STK17B: variants seen among roughly 807,000 people sequenced by gnomAD.
The protein encoded by STK17B is serine/threonine kinase 17b, also known as serine/threonine-protein kinase 17B.
STK17B carries 21 observed loss-of-function variants against 42.0 expected under a neutral mutation model. The ratio of observed to expected loss-of-function variants is 0.50; its 90% CI spans 0.35 to 0.72. STK17B has a LOEUF of 0.72. Ranked by LOEUF, STK17B falls within the 30% of genes least tolerant of loss-of-function variation. The pLI, the probability that STK17B is intolerant of heterozygous loss-of-function variation, is 0.00. For synonymous variants in STK17B, 143 were observed against 148.4 expected (o/e 0.96, Z 0.26); for missense variants, 349 against 446.0 (o/e 0.78, Z 1.96).
chr2:196,157,812 G>A (rs1699759587), intron 2 of STK17B, among the ~76,000 whole-genome samples: 1 of 152,170 alleles, frequency 6.6e-6, no homozygotes, highest in African/African-American at 2.4e-5. Context: ...TAAGTCTACA[G>A]CGGCCAAAAA....
At chr2:196,156,688 T>C (rs910368078) in intron 2 of STK17B, 37 bp from the exon 3 acceptor site, 7 of 1,527,678 alleles carry the variant, frequency 4.6e-6, no homozygotes, top group African/African-American at 1.4e-5. Flanking sequence ...TTAATTTTTC[T>C]GCAGAGAACA....
intron 3 of STK17B, 87 bp from the exon 4 acceptor site, chr2:196,146,142 A>T (rs892187945): frequency 1.5e-6 from 2 of 1,328,872 alleles, no homozygotes; most frequent in East Asian, 5.3e-5. Flanking sequence ...TAAAAGACAT[A>T]CAACTATATA....
intron 5 of STK17B, among the ~76,000 whole-genome samples, chr2:196,142,548 A>G (rs759051160): frequency 6.6e-6 from 1 of 152,344 alleles, no homozygotes; most frequent in Non-Finnish European, 1.5e-5. Context: ...TGAGTGAAAA[A>G]TAAGTTTCTT....
At chr2:196,152,568 C>T (rs1269349805) in intron 3 of STK17B, among the ~76,000 whole-genome samples, 2 of 152,136 alleles carry the variant, frequency 1.3e-5, no homozygotes, top group Admixed American at 6.5e-5. Flanking sequence ...TACAGAAGGT[C>T]GACTAAAGCA....
At chr2:196,152,780 T>C (rs1161414274) in intron 3 of STK17B, among the ~76,000 whole-genome samples, 5 of 152,148 alleles carry the variant, frequency 3.3e-5, no homozygotes, top group African/African-American at 4.8e-5. Flanking sequence ...TTTGCTTATA[T>C]ATGCAAGAAG....
intron 4 of STK17B, among the ~76,000 whole-genome samples, chr2:196,144,922 C>T (rs1234278901): frequency 1.3e-5 from 2 of 151,928 alleles, no homozygotes; most frequent in Non-Finnish European, 2.9e-5. Flanking sequence ...GTAATTAGCT[C>T]TGTTGTTGTC....
chr2:196,141,065 C>G (rs939672321), intron 6 of STK17B, among the ~76,000 whole-genome samples, 184 bp downstream of exon 6: 1 of 152,114 alleles, frequency 6.6e-6, no homozygotes, highest in Admixed American at 6.5e-5. Flanking sequence ...ACTTTTGGCT[C>G]AGAAGTTAAG....
chr2:196,144,297 T>C (rs948982787), intron 4 of STK17B, among the ~76,000 whole-genome samples: 9 of 151,594 alleles, frequency 5.9e-5, no homozygotes, highest in African/African-American at 2.2e-4. Flanking sequence ...AAGACCATCC[T>C]GGCTAACATG....
intron 3 of STK17B, among the ~76,000 whole-genome samples, chr2:196,147,237 C>T (rs1699589176): frequency 6.6e-6 from 1 of 152,104 alleles, no homozygotes; most frequent in Non-Finnish European, 1.5e-5. Context: ...TAGTAACTCA[C>T]TCTGGAAAAT....
intron 3 of STK17B, chr2:196,153,255 C>CAAAAAAAAAGA (rs1699691246): frequency 9.2e-6 from 1 of 108,590 alleles, no homozygotes. Context: ...AAACAATGTC[C>CAAAAAAAAAGA]AAAAAAAAAA....
intron 1 of STK17B, among the ~76,000 whole-genome samples, chr2:196,169,890 GAA>G (rs59209981): frequency 2.1e-5 from 3 of 140,208 alleles, no homozygotes; most frequent in East Asian, 2.0e-4. Context: ...CCCTACTTTA[GAA>G]AAAAAAAAAG....
chr2:196,176,151 A>G, upstream of STK17B: 1 of 152,246 alleles, frequency 6.6e-6, no homozygotes, highest in Non-Finnish European at 1.5e-5. Context: ...ATAAGAGCAC[A>G]CCCTACAATA....
At chr2:196,152,423 A>G (rs931508404) in intron 3 of STK17B, among the ~76,000 whole-genome samples, 21 of 152,192 alleles carry the variant, frequency 1.4e-4, no homozygotes, top group African/African-American at 4.8e-4. Context: ...GTGCCTTTTA[A>G]AAGTGATTGT....
At chr2:196,162,375 T>A (rs1477591450) in intron 2 of STK17B, among the ~76,000 whole-genome samples, 1 of 151,582 alleles carries the variant, frequency 6.6e-6, no homozygotes, top group Non-Finnish European at 1.5e-5. Context: ...TTGTTCAACT[T>A]AGGAGAGGGG....
At chr2:196,170,016 C>A (rs950855510) in intron 1 of STK17B, among the ~76,000 whole-genome samples, 1 of 152,098 alleles carries the variant, frequency 6.6e-6, no homozygotes, top group African/African-American at 2.4e-5. Flanking sequence ...GGATCCGAGG[C>A]AGATGAGTTT....
chr2:196,140,748 A>G (rs1461159273), intron 6 of STK17B, among the ~76,000 whole-genome samples: 1 of 152,008 alleles, frequency 6.6e-6, no homozygotes, highest in Non-Finnish European at 1.5e-5. Flanking sequence ...TATTTTTAGT[A>G]GAGATAGGGT....
At chr2:196,175,394 G>A (rs1699988737), upstream of STK17B, among the ~76,000 whole-genome samples, 1 of 152,220 alleles carries the variant, frequency 6.6e-6, no homozygotes. Flanking sequence ...GGGAGGCCAA[G>A]GCGGGCAGAT....
intron 3 of STK17B, among the ~76,000 whole-genome samples, chr2:196,150,179 T>TAAAAAAAAAAAAA (rs143244008): frequency 4.4e-5 from 5 of 113,504 alleles, no homozygotes; most frequent in Non-Finnish European, 7.2e-5. Flanking sequence ...GAGCAGTGAC[T>TAAAAAAAAAAAAA]AAAAAAAAAA....
At chr2:196,146,799 G>A (rs1311574581) in intron 3 of STK17B, among the ~76,000 whole-genome samples, 2 of 151,992 alleles carry the variant, frequency 1.3e-5, no homozygotes, top group African/African-American at 4.8e-5. Context: ...CCATTTTACA[G>A]TAGAAACAAG....
Sources: gnomAD v4.1 joint callset for allele counts (sites outside exome capture counted in the v4.1 genomes callset) on GRCh38, gnomAD v4.1.1 for gene constraint, MANE v1.5 for transcripts, NCBI Gene and HGNC (gene_info 2026-07-23, HGNC 2026-07-21) for gene names.